Variants in BRINP1 observed in about 807,000 individuals in gnomAD.
BRINP1 encodes the protein BMP/retinoic acid-inducible neural-specific protein 1.
In BRINP1, 17 loss-of-function variants were observed where a neutral mutation model predicts 72.9. The ratio of observed to expected loss-of-function variants is 0.23; its 90% CI spans 0.16 to 0.35. The LOEUF (loss-of-function observed/expected upper bound fraction) is 0.35, where lower values mean the gene tolerates loss of function less well. Ranked by LOEUF, BRINP1 falls within the 10% of genes least tolerant of loss-of-function variation. The probability of loss-of-function intolerance (pLI) is 1.00; values close to 1 mark genes in which losing one functional copy is unlikely to be tolerated. For synonymous variants in BRINP1, 418 were observed against 378.5 expected (o/e 1.10, Z -1.21); for missense variants, 850 against 1,001.6 (o/e 0.85, Z 2.04).
intron 7 of BRINP1, among the ~76,000 whole-genome samples, chr9:119,208,232 G>A (rs1829879932): frequency 6.6e-6 from 1 of 152,076 alleles, no homozygotes; most frequent in African/African-American, 2.4e-5. Context: ...CCCCGCAAGT[G>A]TCTCCTGACA....
chr9:119,182,509 T>A (rs1289251616), intron 7 of BRINP1, among the ~76,000 whole-genome samples: 1 of 152,208 alleles, frequency 6.6e-6, no homozygotes, highest in Non-Finnish European at 1.5e-5. Context: ...GGTAAAGATA[T>A]TAGAAGATGG....
At chr9:119,237,718 G>C (rs988490378) in intron 5 of BRINP1, among the ~76,000 whole-genome samples, 1 of 151,862 alleles carries the variant, frequency 6.6e-6, no homozygotes, top group African/African-American at 2.4e-5. Context: ...CTGGAGTGCA[G>C]TGGCGCAATC....
At chr9:119,359,860 C>A (rs1203726507) in intron 1 of BRINP1, among the ~76,000 whole-genome samples, 1 of 152,162 alleles carries the variant, frequency 6.6e-6, no homozygotes, top group Non-Finnish European at 1.5e-5. Flanking sequence ...ATGCTTGGCA[C>A]ATCCACTTTT....
intron 2 of BRINP1, among the ~76,000 whole-genome samples, chr9:119,268,389 C>A (rs962347175): frequency 6.6e-6 from 1 of 152,152 alleles, no homozygotes; most frequent in Admixed American, 6.6e-5. Flanking sequence ...CTCTACCATC[C>A]TCCATTAATT....
intron 7 of BRINP1, among the ~76,000 whole-genome samples, chr9:119,170,117 C>G (rs1829385663): frequency 6.6e-6 from 1 of 152,060 alleles, no homozygotes; most frequent in Non-Finnish European, 1.5e-5. Context: ...AGCAACGGAA[C>G]AAAGCTGGAT....
chr9:119,299,952 C>T (rs555835503), intron 2 of BRINP1, among the ~76,000 whole-genome samples: 4 of 152,266 alleles, frequency 2.6e-5, no homozygotes, highest in African/African-American at 9.6e-5. Flanking sequence ...TCTGTATTTC[C>T]TTAATCACAT....
At position 119,171,394 on chromosome 9, in the gene BRINP1, C is replaced by T. The variant is rs1351246984; in HGVS notation, c.1146-3170G>A. ...TCAAAAGAGACAAAGAAGGCCATTACATAATGGTAAAGGGATCAATTCAAC... is the reference window on the plus strand; with the variant it reads ...TCAAAAGAGACAAAGAAGGCCATTATATAATGGTAAAGGGATCAATTCAAC... On this transcript the variant is annotated intron_variant, in intron 7 of 7. Coordinates refer to ENST00000265922, the MANE Select transcript of BRINP1 (RefSeq NM_014618.3). 4.3e-5 allele frequency among the ~76,000 whole-genome samples: 6 copies of T among 139,674 alleles called. No homozygotes were observed. In the East Asian group the frequency reaches 1.3e-3, roughly 30 times the overall value. The allele number at this position is 139,674 out of a possible 152,430, so 91.6% of individuals were successfully genotyped here.
intron 7 of BRINP1, among the ~76,000 whole-genome samples, chr9:119,180,343 G>A (rs1209547753): frequency 6.6e-6 from 1 of 152,156 alleles, no homozygotes; most frequent in East Asian, 1.9e-4. Context: ...TGTAATGGGT[G>A]CCCAAGTAAT....
intron 2 of BRINP1, among the ~76,000 whole-genome samples, chr9:119,251,796 T>C (rs570270770): frequency 2.0e-5 from 3 of 151,956 alleles, no homozygotes; most frequent in Non-Finnish European, 4.4e-5. Context: ...CTGAGACAAA[T>C]GTTACAGGTG....
chr9:119,329,981 T>C (rs1041916008), intron 1 of BRINP1, among the ~76,000 whole-genome samples: 1 of 152,216 alleles, frequency 6.6e-6, no homozygotes, highest in African/African-American at 2.4e-5. Context: ...ACTCCTGCCA[T>C]AGGCCCCGAG....
chr9:119,168,710 AC>A (rs1829353334), intron 7 of BRINP1, among the ~76,000 whole-genome samples: 1 of 152,216 alleles, frequency 6.6e-6, no homozygotes, highest in African/African-American at 2.4e-5. Flanking sequence ...ACATCTACCA[AC>A]TTCAACAAAA....
At chr9:119,298,668 C>T (rs1268795141) in intron 2 of BRINP1, among the ~76,000 whole-genome samples, 8 of 152,150 alleles carry the variant, frequency 5.3e-5, no homozygotes, top group Non-Finnish European at 4.4e-5. Flanking sequence ...ACCCCATCCT[C>T]TTCCAGGCCC....
chr9:119,250,615 G>T (rs963496843), intron 2 of BRINP1, among the ~76,000 whole-genome samples: 6 of 152,194 alleles, frequency 3.9e-5, no homozygotes, highest in African/African-American at 1.4e-4. Context: ...TTTCTCACAA[G>T]TTCCCAGACA....
At chr9:119,271,021 G>A (rs1389713029) in intron 2 of BRINP1, among the ~76,000 whole-genome samples, 2 of 151,982 alleles carry the variant, frequency 1.3e-5, no homozygotes, top group African/African-American at 4.8e-5. Flanking sequence ...TAAGGTTTTT[G>A]GTTGCAAAAT....
chr9:119,278,786 G>T (rs1264960184), intron 2 of BRINP1, among the ~76,000 whole-genome samples: 1 of 152,090 alleles, frequency 6.6e-6, no homozygotes, highest in Non-Finnish European at 1.5e-5. Flanking sequence ...TACTCAGGAG[G>T]CTGAGGCAGG....
chr9:119,253,315 T>C (rs1400986681), intron 2 of BRINP1, among the ~76,000 whole-genome samples: 1 of 152,182 alleles, frequency 6.6e-6, no homozygotes, highest in Non-Finnish European at 1.5e-5. Flanking sequence ...CCATGTCTTA[T>C]CACAGCACTA....
Position 119,328,189 on chromosome 9 carries a change from G to A in BRINP1, c.-50-14784C>T, listed in dbSNP as rs536959659. ...GGAGCAGGGGTGTGTAAGAAGAAAA[G>A]GGTCTCAAGTTTCAAAGGCTACAGA... On this transcript the variant is annotated intron_variant, in intron 1 of 7. Coordinates refer to ENST00000265922, the MANE Select transcript of BRINP1 (RefSeq NM_014618.3). 5.3e-5 allele frequency among the ~76,000 whole-genome samples: 8 copies of A among 152,278 alleles called. No homozygotes were observed. The South Asian group carries it at 1.7e-3, about 32-fold the overall frequency.
intron 1 of BRINP1, among the ~76,000 whole-genome samples, chr9:119,364,406 A>G (rs1350313099): frequency 6.6e-6 from 1 of 152,228 alleles, no homozygotes. Flanking sequence ...TTGGCATTAC[A>G]AAAAGGACTC....
chr9:119,335,068 C>T (rs1831334446), intron 1 of BRINP1, among the ~76,000 whole-genome samples: 1 of 152,114 alleles, frequency 6.6e-6, no homozygotes, highest in Non-Finnish European at 1.5e-5. Flanking sequence ...ATAATATTCT[C>T]CCGACTGAGA....
Sources: allele counts gnomAD v4.1 joint callset (sites outside exome capture counted in the v4.1 genomes callset), GRCh38; gene constraint gnomAD v4.1.1; transcripts MANE v1.5; gene names NCBI Gene and HGNC (gene_info 2026-07-23, HGNC 2026-07-21).